The following GRIK3 variants were observed in gnomAD, a reference collection of about 807,000 sequenced individuals.
GRIK3 encodes the protein glutamate ionotropic receptor kainate type subunit 3.
A neutral mutation model predicts 102.5 loss-of-function variants in GRIK3; 29 were observed. That is an observed-to-expected ratio of 0.28 (90% confidence interval 0.21 to 0.39). The LOEUF is 0.39. Among genes scored for constraint, GRIK3 ranks in the 10% least tolerant of loss-of-function variants. GRIK3 has a pLI of 1.00. For missense variants in GRIK3, 908 were observed against 1,252.4 expected (o/e 0.73, Z 4.15); for synonymous variants, 511 against 504.9 (o/e 1.01, Z -0.16).
At chr1:36,927,587 G>A (rs1641541105) in intron 1 of GRIK3, among the ~76,000 whole-genome samples, 1 of 152,086 alleles carries the variant, frequency 6.6e-6, no homozygotes, top group Non-Finnish European at 1.5e-5. Context: ...CCTTATCTTG[G>A]CTCTGCCCAG....
chr1:36,885,697 G>T (rs1641030358), intron 2 of GRIK3, among the ~76,000 whole-genome samples: 1 of 152,118 alleles, frequency 6.6e-6, no homozygotes, highest in South Asian at 2.1e-4. Context: ...GAACACTGCT[G>T]CCCCCACAGG....
intron 10 of GRIK3, among the ~76,000 whole-genome samples, chr1:36,826,071 G>T (rs1396755998): frequency 6.6e-6 from 1 of 152,138 alleles, no homozygotes; most frequent in Non-Finnish European, 1.5e-5. Flanking sequence ...AGAAGAGGGT[G>T]GTGGAATAAA....
intron 5 of GRIK3, among the ~76,000 whole-genome samples, chr1:36,868,017 C>T (rs527975442): frequency 6.6e-6 from 1 of 152,280 alleles, no homozygotes; most frequent in African/African-American, 2.4e-5. Context: ...GTACCTTCCA[C>T]GTTAATGCCA....
chr1:36,955,195 T>C (rs911147966), intron 1 of GRIK3, among the ~76,000 whole-genome samples: 5 of 152,072 alleles, frequency 3.3e-5, no homozygotes, highest in African/African-American at 1.2e-4. Context: ...CCTCCTGAAA[T>C]AGCAGCCCTA....
intron 1 of GRIK3, among the ~76,000 whole-genome samples, chr1:36,938,759 A>G (rs1041460650): frequency 6.6e-6 from 1 of 152,184 alleles, no homozygotes; most frequent in Non-Finnish European, 1.5e-5. Context: ...CCCTGACCAC[A>G]GTGACTGTTG....
At chr1:36,826,647 C>T (rs980732721) in intron 10 of GRIK3, among the ~76,000 whole-genome samples, 20 of 149,378 alleles carry the variant, frequency 1.3e-4, no homozygotes, top group African/African-American at 4.7e-4. Flanking sequence ...GCACTCCAGC[C>T]TAGGCAACAG....
At chr1:37,033,430 G>A (rs950004463) in intron 1 of GRIK3, among the ~76,000 whole-genome samples, 1 of 152,150 alleles carries the variant, frequency 6.6e-6, no homozygotes, top group African/African-American at 2.4e-5. Context: ...CCCAACCCCC[G>A]CCCCATGGCA....
chr1:36,885,505 A>T (rs1370819161), intron 2 of GRIK3, among the ~76,000 whole-genome samples: 1 of 152,154 alleles, frequency 6.6e-6, no homozygotes, highest in Non-Finnish European at 1.5e-5. Flanking sequence ...AATGGTGGTG[A>T]TGATGATGAT....
Position 36,796,639 on chromosome 1 carries a change from G to C in GRIK3, c.*5212C>G, listed in dbSNP as rs1183840312. 1 of 152,306 alleles carries C rather than the reference G, an allele frequency of 6.6e-6. No individual in the cohort carries two copies. Among genetic ancestry groups the C allele is most frequent in the Non-Finnish European group, 1.5e-5 (1 of 68,098 alleles). 9.4% of individuals were successfully genotyped at this position (152,306 alleles called of 1,614,324 possible). A position where few individuals can be genotyped will look rare whatever the true frequency, so the allele number is the denominator to read the frequency against. The stretch of plus-strand genomic sequence containing the variant: ...GGGCATGGGAACACTGTATCGGCAT[G>C]CTGGCCATGCCCTGGGGGCATTCTC... On this transcript the variant is annotated 3_prime_UTR_variant, in exon 16 of 16. Transcript: ENST00000373091.
rs1158249162 is a variant in GRIK3 at position 37,034,408 on chromosome 1, C to T, written c.-300G>A. On this transcript the variant is annotated 5_prime_UTR_variant, in exon 1 of 16. Coordinates refer to ENST00000373091, the MANE Select transcript of GRIK3 (RefSeq NM_000831.4). ...CTCCGACTCGCGTCGGCTCGGCTCC[C>T]GCGCGGGCTCCCACCTGCCCCGGCT... 6.6e-6 allele frequency among the ~76,000 whole-genome samples: 1 copy of T among 151,034 alleles called. No homozygotes were observed. Among genetic ancestry groups the T allele is most frequent in the Non-Finnish European group, 1.5e-5 (1 of 67,466 alleles).
At chr1:36,838,760 T>C (rs1164912075) in intron 10 of GRIK3, among the ~76,000 whole-genome samples, 1 of 152,200 alleles carries the variant, frequency 6.6e-6, no homozygotes, top group African/African-American at 2.4e-5. Flanking sequence ...AGTAATAATA[T>C]TGCCAAGCCT....
At chr1:36,912,550 A>T (rs1310538092) in intron 1 of GRIK3, among the ~76,000 whole-genome samples, 1 of 151,818 alleles carries the variant, frequency 6.6e-6, no homozygotes, top group African/African-American at 2.4e-5. Context: ...CGCCTCCCAG[A>T]TAAACTATTT....
chr1:37,034,148 C>G lies in GRIK3; in HGVS notation c.-40G>C, dbSNP rs1439855228. On this transcript the variant is annotated 5_prime_UTR_variant, in exon 1 of 16. Transcript: ENST00000373091. Reference sequence around the variant, plus strand: ...GAGCGTGCCCGGGGCGCGGCCGTGGCGGGCTCCCTGGGGCGGCAGCTCTAG... The same window carrying G: ...GAGCGTGCCCGGGGCGCGGCCGTGGGGGGCTCCCTGGGGCGGCAGCTCTAG... 1.8e-6 allele frequency: 2 copies of G among 1,118,008 alleles called. No homozygotes were observed. The highest frequency in any genetic ancestry group is 2.5e-6 in the Non-Finnish European group (2 of 797,966). The allele number at this position is 1,118,008 out of a possible 1,614,324, so 69.3% of individuals were successfully genotyped here. A position where few individuals can be genotyped will look rare whatever the true frequency, so the allele number is the denominator to read the frequency against.
chr1:37,016,541 TGA>T (rs1296429969), intron 1 of GRIK3, among the ~76,000 whole-genome samples: 2 of 152,070 alleles, frequency 1.3e-5, no homozygotes, highest in Non-Finnish European at 2.9e-5. Context: ...ACAGGGCTGG[TGA>T]GAGAAACAAA....
At chr1:36,888,092 T>C (rs1433270378) in intron 2 of GRIK3, among the ~76,000 whole-genome samples, 1 of 152,026 alleles carries the variant, frequency 6.6e-6, no homozygotes, top group Non-Finnish European at 1.5e-5. Context: ...GACATCTACA[T>C]GAACGTCCAC....
chr1:36,801,980 C>G lies in GRIK3; in HGVS notation c.2631G>C (p.Lys877Asn). The change falls in exon 16 of 16, where the codon AAG becomes AAC. Residue 877 changes from lysine to asparagine, a missense_variant. By Grantham distance (94) the Lys-to-Asn change is moderately conservative (BLOSUM62 0). Transcript: ENST00000373091. ...CCATCATGGGAGGCTGAGGCTTGTG[C>G]TTGACTCGACGCTGGCAGGTAAGGG... ...RFSLTCQRRV[K>N]HKPQPPMMVK... 6.2e-7 allele frequency: 1 copy of G among 1,614,016 alleles called. No individual in the cohort carries two copies. The highest frequency in any genetic ancestry group is 8.5e-7 in the Non-Finnish European group (1 of 1,179,954).
chr1:36,986,043 C>T (rs930969056), intron 1 of GRIK3, among the ~76,000 whole-genome samples: 1 of 152,100 alleles, frequency 6.6e-6, no homozygotes, highest in African/African-American at 2.4e-5. Flanking sequence ...CACAGCTTCC[C>T]CCAGCTATTC....
At chr1:37,014,598 A>T (rs1187889482) in intron 1 of GRIK3, among the ~76,000 whole-genome samples, 1 of 152,256 alleles carries the variant, frequency 6.6e-6, no homozygotes, top group African/African-American at 2.4e-5. Context: ...AGGCAGGCAC[A>T]ATCTTAAGCA....
chr1:37,016,717 T>A (rs1446066737), intron 1 of GRIK3, among the ~76,000 whole-genome samples: 1 of 152,070 alleles, frequency 6.6e-6, no homozygotes, highest in Non-Finnish European at 1.5e-5. Context: ...CTGAGGCATA[T>A]GTGAATGTGG....
Sources: allele counts gnomAD v4.1 joint callset (sites outside exome capture counted in the v4.1 genomes callset), GRCh38; gene constraint gnomAD v4.1.1; transcripts MANE v1.5; gene names NCBI Gene and HGNC (gene_info 2026-07-23, HGNC 2026-07-21).